Variants in RYR2 observed in about 807,000 individuals in gnomAD.
The protein encoded by RYR2 is cardiac muscle ryanodine receptor-calcium release channel.
RYR2 carries 227 observed loss-of-function variants against 601.1 expected under a neutral mutation model. The observed-to-expected ratio is 0.38, with a 90% CI of 0.34 to 0.42. RYR2 has a LOEUF of 0.42. RYR2 is among the 10% of genes least tolerant of loss of function. RYR2 has a pLI of 1.00. For missense variants in RYR2, 4,646 were observed against 6,156.5 expected (o/e 0.75, Z 8.21); for synonymous variants, 2,223 against 2,175.1 (o/e 1.02, Z -0.61).
chr1:237,688,112 CA>C (rs1686597996), intron 63 of RYR2, among the ~76,000 whole-genome samples: 2 of 152,170 alleles, frequency 1.3e-5, no homozygotes, highest in African/African-American at 4.8e-5. Context: ...GACAGCCATG[CA>C]GGGTGGGCAC....
chr1:237,424,570 T>C (rs974296950), intron 12 of RYR2, among the ~76,000 whole-genome samples: 1 of 152,204 alleles, frequency 6.6e-6, no homozygotes, highest in Admixed American at 6.5e-5. Context: ...TTTGGCTTAG[T>C]AGAACTACAA....
chr1:237,202,022 T>G (rs1471496128), intron 1 of RYR2, among the ~76,000 whole-genome samples: 1 of 152,142 alleles, frequency 6.6e-6, no homozygotes, highest in African/African-American at 2.4e-5. Context: ...CAAGATAAAA[T>G]GTTCGTAGAG....
chr1:237,309,591 C>T (rs888300194), intron 2 of RYR2, among the ~76,000 whole-genome samples: 7 of 152,244 alleles, frequency 4.6e-5, no homozygotes, highest in African/African-American at 1.4e-4. Flanking sequence ...ACACAAGGGC[C>T]GCAGGCGGAG....
intron 24 of RYR2, among the ~76,000 whole-genome samples, chr1:237,518,266 T>C (rs1271035611): frequency 6.6e-6 from 1 of 152,170 alleles, no homozygotes; most frequent in Non-Finnish European, 1.5e-5. Context: ...TTTTTTGCCT[T>C]TTTAAAAATT....
chr1:237,139,439 T>C (rs1309798018), intron 1 of RYR2, among the ~76,000 whole-genome samples: 2 of 152,210 alleles, frequency 1.3e-5, no homozygotes, highest in Non-Finnish European at 1.5e-5. Flanking sequence ...AAAAATGTCC[T>C]TAAATTGATT....
Position 237,363,722 on chromosome 1 carries a change from A to G in RYR2, c.295-636A>G, listed in dbSNP as rs544638342. ...TGCATATGCACACACATACGTACACATTATGTTTTGTAGAAGAAAAAAGAG... is the reference window on the plus strand; with the variant it reads ...TGCATATGCACACACATACGTACACGTTATGTTTTGTAGAAGAAAAAAGAG... On this transcript the variant is annotated intron_variant, in intron 4 of 104. Coordinates refer to ENST00000366574, the MANE Select transcript of RYR2 (RefSeq NM_001035.3). Among the ~76,000 whole-genome samples the G allele has an allele frequency of 6.6e-5, 10 of 152,254 alleles. No individual in the cohort carries two copies. In the South Asian group the frequency reaches 1.4e-3, roughly 22 times the overall value.
At chr1:237,296,643 AAGGAGAC>A (rs1306855993) in intron 2 of RYR2, among the ~76,000 whole-genome samples, 1 of 152,164 alleles carries the variant, frequency 6.6e-6, no homozygotes, top group East Asian at 1.9e-4. Flanking sequence ...CTTGGAGTCT[AAGGAGAC>A]GTCAGGGCTG....
intron 82 of RYR2, among the ~76,000 whole-genome samples, chr1:237,758,246 G>A (rs80335321): frequency 0.012 from 1,851 of 152,264 alleles, 18 homozygotes; most frequent in Non-Finnish European, 0.02. Context: ...TACTTAGTAT[G>A]TATATTCAGA....
intron 58 of RYR2, among the ~76,000 whole-genome samples, chr1:237,669,905 G>A (rs1684749285): frequency 6.6e-6 from 1 of 152,124 alleles, no homozygotes; most frequent in Admixed American, 6.5e-5. Context: ...GGCAGAGGCT[G>A]CAATCTCGGC....
chr1:237,600,579 C>G (rs546375789), intron 34 of RYR2, among the ~76,000 whole-genome samples: 2 of 152,124 alleles, frequency 1.3e-5, no homozygotes, highest in South Asian at 4.2e-4. Flanking sequence ...GCACAGGCAA[C>G]AAAAGCAAAA....
chr1:237,821,199 G>A (rs993000873), intron 101 of RYR2, among the ~76,000 whole-genome samples: 3 of 152,144 alleles, frequency 2.0e-5, no homozygotes, highest in Non-Finnish European at 4.4e-5. Flanking sequence ...GCCTCCTGAA[G>A]TGGGTCCCTG....
intron 98 of RYR2, 45 bp from the exon 99 acceptor site, chr1:237,806,092 G>T (rs766680643): frequency 1.9e-6 from 3 of 1,574,634 alleles, no homozygotes; most frequent in South Asian, 1.1e-5. Flanking sequence ...ATAGTCATGC[G>T]TTCTGTTTTC....
chr1:237,379,488 G>A (rs766691205), intron 8 of RYR2, among the ~76,000 whole-genome samples: 1 of 152,014 alleles, frequency 6.6e-6, no homozygotes, highest in African/African-American at 2.4e-5. Flanking sequence ...TTTAAATATG[G>A]GCAGAATTAA....
intron 1 of RYR2, among the ~76,000 whole-genome samples, chr1:237,052,280 C>T (rs1340133951): frequency 3.3e-5 from 5 of 152,142 alleles, no homozygotes; most frequent in Non-Finnish European, 7.4e-5. Flanking sequence ...GGGATTGTGT[C>T]CTGTGTAAAA....
chr1:237,136,688 A>G (rs913471522), intron 1 of RYR2, among the ~76,000 whole-genome samples: 1 of 152,108 alleles, frequency 6.6e-6, no homozygotes, highest in East Asian at 1.9e-4. Context: ...TATGTTTCTT[A>G]GTACATCAAC....
intron 3 of RYR2, among the ~76,000 whole-genome samples, chr1:237,350,571 CAAAAAAA>C (rs1167546068): frequency 2.0e-3 from 54 of 26,944 alleles, no homozygotes; most frequent in African/African-American, 4.7e-3. Context: ...GACTCTGTCT[CAAAAAAA>C]AAAAAAAAAA....
At chr1:237,087,812 G>T (rs56108758) in intron 1 of RYR2, among the ~76,000 whole-genome samples, 1,678 of 152,260 alleles carry the variant, frequency 0.011, 31 homozygotes, top group African/African-American at 0.038. Context: ...TAATAAAAAT[G>T]TGAGAAAGTC....
intron 1 of RYR2, among the ~76,000 whole-genome samples, chr1:237,077,840 A>C (rs1288542051): frequency 6.6e-6 from 1 of 150,788 alleles, no homozygotes; most frequent in Non-Finnish European, 1.5e-5. Flanking sequence ...TCAGCACCAC[A>C]CCACACCTAT....
intron 80 of RYR2, among the ~76,000 whole-genome samples, chr1:237,748,729 A>G (rs972158555): frequency 3.3e-5 from 5 of 152,188 alleles, no homozygotes; most frequent in South Asian, 2.1e-4. Flanking sequence ...GAGTATGTGG[A>G]CCAAAATAGC....
Sources: gnomAD v4.1 joint callset for allele counts (sites outside exome capture counted in the v4.1 genomes callset) on GRCh38, gnomAD v4.1.1 for gene constraint, MANE v1.5 for transcripts, NCBI Gene and HGNC (gene_info 2026-07-23, HGNC 2026-07-21) for gene names.